The following FSTL5 variants were observed in gnomAD, a reference collection of about 807,000 sequenced individuals.
FSTL5 encodes the protein follistatin like 5.
In FSTL5, 62 loss-of-function variants were observed where a neutral mutation model predicts 89.1. The ratio of observed to expected loss-of-function variants is 0.70; its 90% CI spans 0.57 to 0.86. The LOEUF is 0.86. Among genes scored for constraint, FSTL5 ranks in the 40% least tolerant of loss-of-function variants. The pLI is 0.00. For missense variants in FSTL5, 1,057 were observed against 1,001.6 expected (o/e 1.06, Z -0.75); for synonymous variants, 383 against 346.2 (o/e 1.11, Z -1.18).
chr4:161,384,384 T>C lies in FSTL5; in HGVS notation c.*1363A>G, dbSNP rs1002415345. 1 of 152,170 alleles carries C rather than the reference T, an allele frequency of 6.6e-6. No homozygotes were observed. The highest frequency in any genetic ancestry group is 2.4e-5 in the African/African-American group (1 of 41,448). 9.4% of individuals were successfully genotyped at this position (152,170 alleles called of 1,614,324 possible). On this transcript the variant is annotated 3_prime_UTR_variant, in exon 16 of 16. Coordinates refer to ENST00000306100, the MANE Select transcript of FSTL5 (RefSeq NM_020116.5). Reference sequence around the variant, plus strand: ...ATTTTCAAAACATGTAAGCTATTACTTTAAGCCTGGATAATTATCTGCTTA... The same window carrying C: ...ATTTTCAAAACATGTAAGCTATTACCTTAAGCCTGGATAATTATCTGCTTA...
chr4:161,722,066 T>C (rs1358454672), intron 6 of FSTL5, among the ~76,000 whole-genome samples: 9 of 152,248 alleles, frequency 5.9e-5, no homozygotes, highest in African/African-American at 1.9e-4. Flanking sequence ...TTTGAAGATG[T>C]CTTTTTCTTT....
rs182764653 is a variant in FSTL5 at position 161,741,769 on chromosome 4, C to T, written c.727+17642G>A. The stretch of plus-strand genomic sequence containing the variant: ...GTGGCACGGTCTTGGCTCACTGCAA[C>T]GTTCGCCTCCCGGTTTCAAGCAATT... On this transcript the variant is annotated intron_variant, in intron 6 of 15. Transcript: ENST00000306100. Among the ~76,000 whole-genome samples, 11 of 148,786 alleles carry T rather than the reference C, an allele frequency of 7.4e-5. No individual in the cohort carries two copies. In the East Asian group the frequency reaches 1.4e-3, roughly 19 times the overall value.
At chr4:161,926,308 G>C (rs537796676) in intron 3 of FSTL5, among the ~76,000 whole-genome samples, 14 of 151,870 alleles carry the variant, frequency 9.2e-5, no homozygotes, top group African/African-American at 2.9e-4. Flanking sequence ...CTGTAGTTCA[G>C]TGAGTTTGAA....
At chr4:161,666,451 A>G (rs1736895497) in intron 6 of FSTL5, among the ~76,000 whole-genome samples, 1 of 152,176 alleles carries the variant, frequency 6.6e-6, no homozygotes, top group African/African-American at 2.4e-5. Context: ...GTGTAAATGT[A>G]TACATAAACT....
chr4:161,838,974 C>A (rs973398485), intron 4 of FSTL5, among the ~76,000 whole-genome samples: 4 of 151,328 alleles, frequency 2.6e-5, no homozygotes, highest in African/African-American at 9.7e-5. Flanking sequence ...AAACATAGGT[C>A]AAAAAATAAA....
chr4:161,415,848 A>C (rs1258509310), intron 15 of FSTL5, among the ~76,000 whole-genome samples: 4 of 129,676 alleles, frequency 3.1e-5, no homozygotes, highest in Non-Finnish European at 6.6e-5. Context: ...ATATATATAT[A>C]TCATTTCAAA....
At chr4:162,079,211 G>C (rs1197810771) in intron 2 of FSTL5, among the ~76,000 whole-genome samples, 1 of 151,672 alleles carries the variant, frequency 6.6e-6, no homozygotes, top group East Asian at 1.9e-4. Flanking sequence ...TTTCAGGTTA[G>C]AGCATATCAG....
chr4:161,389,617 A>T (rs2110871116), intron 15 of FSTL5, among the ~76,000 whole-genome samples: 1 of 152,252 alleles, frequency 6.6e-6, no homozygotes, highest in African/African-American at 2.4e-5. Flanking sequence ...AGATTTTCAA[A>T]ATAATAGACC....
intron 12 of FSTL5, 35 bp downstream of exon 12, chr4:161,499,981 G>C (rs1403755727): frequency 1.6e-6 from 2 of 1,228,120 alleles, no homozygotes; most frequent in South Asian, 2.5e-5. Flanking sequence ...CAAAATTTCT[G>C]CATAAAACGT....
rs116122662 is a variant in FSTL5, at chr4:162,158,297, A to C, written c.-17+5318T>G. 3.5e-3 allele frequency among the ~76,000 whole-genome samples: 534 copies of C among 152,178 alleles called. 3 individuals carry two copies. The highest frequency in any genetic ancestry group is 0.012 in the African/African-American group (512 of 41,552). ...TGCTGTTTGAGGCACCAAGGGAAACACTGGCTGCTGCTAAAATTTTGAATA... is the reference window on the plus strand; with the variant it reads ...TGCTGTTTGAGGCACCAAGGGAAACCCTGGCTGCTGCTAAAATTTTGAATA... On this transcript the variant is annotated intron_variant, in intron 1 of 15. Transcript: ENST00000306100.
At chr4:161,663,833 C>T (rs560471765) in intron 6 of FSTL5, among the ~76,000 whole-genome samples, 3 of 152,330 alleles carry the variant, frequency 2.0e-5, no homozygotes, top group East Asian at 3.9e-4. Flanking sequence ...AAACTTATGC[C>T]TGGGCATCCA....
intron 3 of FSTL5, among the ~76,000 whole-genome samples, chr4:161,973,092 G>T (rs996524158): frequency 6.6e-6 from 1 of 152,078 alleles, no homozygotes; most frequent in Non-Finnish European, 1.5e-5. Flanking sequence ...TCTCCTTAGG[G>T]AGTGTTTTTC....
intron 4 of FSTL5, among the ~76,000 whole-genome samples, chr4:161,810,224 C>T (rs936718371): frequency 1.3e-5 from 2 of 151,978 alleles, no homozygotes; most frequent in African/African-American, 4.8e-5. Context: ...TAAATCATGA[C>T]AGTATTGTTA....
chr4:161,857,374 A>G (rs1731753694), intron 4 of FSTL5, among the ~76,000 whole-genome samples: 1 of 152,192 alleles, frequency 6.6e-6, no homozygotes, highest in Admixed American at 6.5e-5. Flanking sequence ...CCTAGTGAAA[A>G]TGTATTTAAA....
chr4:161,843,743 G>T (rs1731281499), intron 4 of FSTL5, among the ~76,000 whole-genome samples: 2 of 152,084 alleles, frequency 1.3e-5, no homozygotes, highest in East Asian at 3.9e-4. Context: ...CTAGCCATGT[G>T]CAGAAAACTG....
intron 3 of FSTL5, among the ~76,000 whole-genome samples, chr4:161,972,612 C>A (rs2111018261): frequency 6.6e-6 from 1 of 152,220 alleles, no homozygotes; most frequent in South Asian, 2.1e-4. Flanking sequence ...CGAATTCTGT[C>A]AATAACCAAC....
chr4:161,679,887 TAAACAATATTAAACTGAGTACA>T (rs1203402624), intron 6 of FSTL5, among the ~76,000 whole-genome samples: 2 of 151,858 alleles, frequency 1.3e-5, no homozygotes, highest in South Asian at 2.1e-4. Flanking sequence ...AAAACAATAT[TAAACAATATTAAACTGAGTACA>T]AAACAATATT....
intron 2 of FSTL5, among the ~76,000 whole-genome samples, chr4:162,068,128 A>G (rs1729417759): frequency 6.6e-6 from 1 of 152,144 alleles, no homozygotes; most frequent in South Asian, 2.1e-4. Flanking sequence ...CATACTGCTC[A>G]AAGTAGTTTA....
intron 7 of FSTL5, among the ~76,000 whole-genome samples, chr4:161,639,388 A>T (rs1399936847): frequency 1.3e-5 from 2 of 152,210 alleles, no homozygotes; most frequent in Non-Finnish European, 1.5e-5. Flanking sequence ...ATGGAACCGA[A>T]AAATTGCTTA....
Sources: gnomAD v4.1 joint callset for allele counts (sites outside exome capture counted in the v4.1 genomes callset) on GRCh38, gnomAD v4.1.1 for gene constraint, MANE v1.5 for transcripts, NCBI Gene and HGNC (gene_info 2026-07-23, HGNC 2026-07-21) for gene names.